Variants in NEBL observed in about 807,000 individuals in gnomAD.
NEBL encodes the protein LIM and SH3 protein 2.
Under a neutral mutation model 140.2 loss-of-function variants are expected in NEBL, and 122 were observed. The observed-to-expected ratio is 0.87, with a 90% confidence interval of 0.75 to 1.01. The LOEUF is 1.01. NEBL is among the 50% of genes least tolerant of loss of function. The pLI is 0.00. For missense variants in NEBL, 1,365 were observed against 1,231.3 expected, an observed-to-expected ratio of 1.11 and a Z score of -1.62; for synonymous variants, 436 against 398.9, an observed-to-expected ratio of 1.09 and a Z score of -1.11.
rs1011400078 is a variant in NEBL at position 20,780,848 on chromosome 10, C to T, written c.*4899G>A. 2 of 152,046 alleles carry T rather than the reference C, an allele frequency of 1.3e-5. No homozygotes were observed. Among genetic ancestry groups the T allele is most frequent in the Non-Finnish European group, 2.9e-5 (2 of 68,012 alleles). 9.4% of individuals were successfully genotyped at this position (152,046 alleles called of 1,614,324 possible). A position where few individuals can be genotyped will look rare whatever the true frequency, so the allele number is the denominator to read the frequency against. On this transcript the variant is annotated 3_prime_UTR_variant, in exon 28 of 28. Coordinates refer to ENST00000377122, the MANE Select transcript of NEBL (RefSeq NM_006393.3). ...CAGCCATCTGTCATTCCTGGTTTGC[C>T]GTCATTTAAGTAGTTTCAATAGATA...
At chr10:21,083,481 G>A (rs959876019) in intron 2 of NEBL, among the ~76,000 whole-genome samples, 1 of 152,112 alleles carries the variant, frequency 6.6e-6, no homozygotes, top group African/African-American at 2.4e-5. Flanking sequence ...TTTTTGCAAT[G>A]CTTGAAGAAG....
At chr10:20,899,048 A>T (rs1230697420), upstream of NEBL, among the ~76,000 whole-genome samples, 3 of 152,204 alleles carry the variant, frequency 2.0e-5, no homozygotes, top group South Asian at 2.1e-4. Flanking sequence ...CTAAGATTAC[A>T]GCCATATCAT....
chr10:21,172,209 A>C (rs1230104538), intron 2 of NEBL: 1 of 649,390 alleles, frequency 1.5e-6, no homozygotes, highest in Non-Finnish European at 2.8e-6. Flanking sequence ...GAAAGGTATA[A>C]AAAGCAGTGA....
chr10:20,992,916 T>C (rs1445373409), intron 3 of NEBL, among the ~76,000 whole-genome samples: 1 of 151,646 alleles, frequency 6.6e-6, no homozygotes, highest in Non-Finnish European at 1.5e-5. Context: ...TAGCTGGGAC[T>C]ACAGGCGCCC....
chr10:21,248,627 T>G (rs1348535664), intron 2 of NEBL, among the ~76,000 whole-genome samples: 1 of 152,192 alleles, frequency 6.6e-6, no homozygotes, highest in Admixed American at 6.5e-5. Flanking sequence ...GCTATGAACA[T>G]GAGGTTATAA....
intron 26 of NEBL, among the ~76,000 whole-genome samples, chr10:20,793,136 T>G (rs1836164296): frequency 6.6e-6 from 1 of 152,196 alleles, no homozygotes; most frequent in Non-Finnish European, 1.5e-5. Context: ...TTCTTAATTA[T>G]AAGCTCTGAA....
chr10:21,126,218 G>C, intron 2 of NEBL: 1 of 1,253,208 alleles, frequency 8.0e-7, no homozygotes, highest in Non-Finnish European at 1.1e-6. Flanking sequence ...CAACTACATT[G>C]CTGGTTATGT....
chr10:20,927,753 C>A (rs530240483), intron 4 of NEBL, among the ~76,000 whole-genome samples: 2 of 152,172 alleles, frequency 1.3e-5, no homozygotes, highest in East Asian at 1.9e-4. Context: ...GGGTTCAAAT[C>A]CCAGTTTTGC....
intron 3 of NEBL, among the ~76,000 whole-genome samples, chr10:20,997,323 T>C (rs953078849): frequency 6.6e-6 from 1 of 151,824 alleles, no homozygotes; most frequent in African/African-American, 2.4e-5. Context: ...AGGTCTGGAA[T>C]CTCAAAAGGC....
At chr10:21,069,829 CTAAT>C in intron 2 of NEBL, 1 of 360,782 alleles carries the variant, frequency 2.8e-6, no homozygotes, top group Non-Finnish European at 5.5e-6. Context: ...CTAACTGTAT[CTAAT>C]TATATTAATC....
chr10:20,997,471 TAAAAAAAAAAAAAAAAAAAAAAAAAA>T (rs55712388), intron 3 of NEBL, among the ~76,000 whole-genome samples: 124 of 25,176 alleles, frequency 4.9e-3, no homozygotes, highest in African/African-American at 8.2e-3. Context: ...ACAGTCTCAG[TAAAAAAAAAAAAAAAAAAAAAAAAAA>T]AAAAAAAAAA....
chr10:20,973,985 A>G (rs1836688404), intron 3 of NEBL, among the ~76,000 whole-genome samples: 1 of 152,216 alleles, frequency 6.6e-6, no homozygotes, highest in Admixed American at 6.5e-5. Flanking sequence ...ATACCCCAGT[A>G]TCCTCAAAAT....
chr10:21,197,267 T>C (rs1841667455), intron 3 of NEBL, among the ~76,000 whole-genome samples: 1 of 152,244 alleles, frequency 6.6e-6, no homozygotes, highest in African/African-American at 2.4e-5. Flanking sequence ...AAGCTGTAGC[T>C]GGCATTTGTA....
chr10:20,955,315 G>A (rs1368107782), intron 4 of NEBL, among the ~76,000 whole-genome samples: 1 of 152,336 alleles, frequency 6.6e-6, no homozygotes, highest in Admixed American at 6.5e-5. Flanking sequence ...AATATGATGT[G>A]TGAAATGAGT....
At chr10:21,184,652 C>T (rs922223095) in intron 3 of NEBL, among the ~76,000 whole-genome samples, 1 of 152,104 alleles carries the variant, frequency 6.6e-6, no homozygotes, top group Non-Finnish European at 1.5e-5. Flanking sequence ...GGTATCAAAG[C>T]TCAAATAAAA....
chr10:20,979,213 T>A lies in NEBL; in HGVS notation c.250-17434A>T, dbSNP rs190946459. 2.8e-3 allele frequency among the ~76,000 whole-genome samples: 423 copies of A among 151,904 alleles called. 2 individuals are homozygous for A. Among genetic ancestry groups the A allele is most frequent in the African/African-American group, 9.5e-3 (395 of 41,428 alleles). ...TGGGAGGACTGCTTGAGACCAGGAG[T>A]TGGAGACCAGCCTGGGCAAAAGAGC... On this transcript the variant is annotated intron_variant, in intron 3 of 6. Transcript: ENST00000417816.
intron 20 of NEBL, 138 bp downstream of exon 20, chr10:20,819,286 T>A: frequency 1.5e-6 from 2 of 1,376,320 alleles, no homozygotes; most frequent in East Asian, 4.9e-5. Flanking sequence ...TCTCATCATT[T>A]AGCTCTCATT....
chr10:20,907,246 A>G (rs1848131418), intron 4 of NEBL, among the ~76,000 whole-genome samples: 1 of 152,170 alleles, frequency 6.6e-6, no homozygotes, highest in African/African-American at 2.4e-5. Flanking sequence ...ACCTGTCTAA[A>G]TAAGTCTTCA....
Position 20,858,307 on chromosome 10 carries a change from G to C in NEBL, c.836C>G (p.Pro279Arg). The change falls in exon 9 of 28, where the codon CCA (proline) becomes CGA (arginine). Residue 279 changes from proline to arginine, a missense_variant. Physicochemically the swap from Pro to Arg is moderately radical, Grantham distance 103. Around this residue, in one of 2 missense-constraint regions of NEBL, gnomAD observed 1,323 missense variants for 1,154.8 expected, o/e 1.15. Coordinates refer to ENST00000377122, the MANE Select transcript of NEBL (RefSeq NM_006393.3). ...CAACAAATTTGGGAGATCTGAAACT[G>C]GATCATGCATATTTTGAATGTCTTT... is the stretch of plus-strand genomic sequence containing the variant. ...YKKDIQNMHD[P>R]VSDLPNLLFL... 1 of 1,610,130 alleles carries C rather than the reference G, an allele frequency of 6.2e-7. No individual in the cohort carries two copies. Among genetic ancestry groups the C allele is most frequent in the African/African-American group, 1.3e-5 (1 of 74,946 alleles).
Sources: allele counts gnomAD v4.1 joint callset (sites outside exome capture counted in the v4.1 genomes callset), GRCh38; gene constraint gnomAD v4.1.1; regional missense constraint gnomAD v4.1.1; transcripts MANE v1.5; gene names NCBI Gene and HGNC (gene_info 2026-07-23, HGNC 2026-07-21).